UBL3: variants seen among roughly 807,000 people sequenced by gnomAD.
The protein encoded by UBL3 is ubiquitin-like protein 3.
In UBL3, 6 loss-of-function variants were observed where a neutral mutation model predicts 18.4. The ratio of observed to expected loss-of-function variants is 0.33; its 90% CI spans 0.18 to 0.64. The LOEUF (loss-of-function observed/expected upper bound fraction) is 0.64. Ranked by LOEUF, UBL3 falls within the 30% of genes least tolerant of loss-of-function variation. UBL3 has a pLI of 0.76. For synonymous variants in UBL3, 49 were observed against 46.6 expected (o/e 1.05, Z -0.21); for missense variants, 109 against 142.9 (o/e 0.76, Z 1.21).
chr13:29,818,342 A>G (rs1331013540), intron 1 of UBL3, among the ~76,000 whole-genome samples: 5 of 152,220 alleles, frequency 3.3e-5, no homozygotes, highest in Admixed American at 6.5e-5. Flanking sequence ...TTCAAAACAC[A>G]GGAATTCAGA....
chr13:29,799,698 T>C (rs936332937), intron 1 of UBL3, among the ~76,000 whole-genome samples: 2 of 152,174 alleles, frequency 1.3e-5, no homozygotes, highest in African/African-American at 4.8e-5. Context: ...TTTGGAAGTA[T>C]TTTGAAACCT....
intron 1 of UBL3, among the ~76,000 whole-genome samples, chr13:29,790,911 TGA>T: frequency 6.6e-6 from 1 of 152,154 alleles, no homozygotes; most frequent in Non-Finnish European, 1.5e-5. Context: ...GCTCCATCCT[TGA>T]GAGATCTCAT....
At chr13:29,805,724 A>G (rs1410039744) in intron 1 of UBL3, among the ~76,000 whole-genome samples, 1 of 152,198 alleles carries the variant, frequency 6.6e-6, no homozygotes, top group Non-Finnish European at 1.5e-5. Context: ...CCTATTCATT[A>G]TATACATTTT....
chr13:29,766,263 A>T lies in UBL3; in HGVS notation c.*992T>A, dbSNP rs1244603899. 3.3e-5 allele frequency: 5 copies of T among 152,540 alleles called. No homozygotes were observed. The highest frequency in any genetic ancestry group is 7.2e-5 in the African/African-American group (3 of 41,430). The allele number at this position is 152,540 out of a possible 1,614,324, so 9.4% of individuals were successfully genotyped here. On this transcript the variant is annotated 3_prime_UTR_variant, in exon 5 of 5. Transcript: ENST00000380680. ...ATACAATTGCAAGCACTAATATCAA[A>T]CGCAAACTATATAAAGAAACAAAAT...
At chr13:29,793,119 AAAG>A (rs1877523892) in intron 1 of UBL3, among the ~76,000 whole-genome samples, 1 of 152,224 alleles carries the variant, frequency 6.6e-6, no homozygotes, top group Non-Finnish European at 1.5e-5. Context: ...GAGGGGAAAT[AAAG>A]AAGAGAACTA....
At chr13:29,808,796 A>C (rs766898617) in intron 1 of UBL3, among the ~76,000 whole-genome samples, 17 of 152,078 alleles carry the variant, frequency 1.1e-4, no homozygotes, top group Non-Finnish European at 2.1e-4. Flanking sequence ...CTTTCTGTAA[A>C]AATATAAAGT....
At chr13:29,800,208 A>C (rs1877724010) in intron 1 of UBL3, among the ~76,000 whole-genome samples, 1 of 152,254 alleles carries the variant, frequency 6.6e-6, no homozygotes, top group Non-Finnish European at 1.5e-5. Context: ...TTAATTTTTA[A>C]GATATATTTT....
chr13:29,812,817 A>C (rs998263262), intron 1 of UBL3, among the ~76,000 whole-genome samples: 4 of 152,026 alleles, frequency 2.6e-5, no homozygotes, highest in Admixed American at 6.6e-5. Flanking sequence ...ACTTAGTATG[A>C]AAAAAGGTAA....
intron 1 of UBL3, among the ~76,000 whole-genome samples, chr13:29,842,281 C>A (rs759169328): frequency 6.6e-6 from 1 of 151,966 alleles, no homozygotes; most frequent in African/African-American, 2.4e-5. Flanking sequence ...CCTCAGCCTC[C>A]GGAGTAGCTG....
At chr13:29,797,169 A>C (rs1877634990) in intron 1 of UBL3, among the ~76,000 whole-genome samples, 1 of 152,188 alleles carries the variant, frequency 6.6e-6, no homozygotes, top group Non-Finnish European at 1.5e-5. Context: ...TTTTAGTATC[A>C]GTTTTCTGTT....
At chr13:29,819,970 T>C (rs1878383502) in intron 1 of UBL3, among the ~76,000 whole-genome samples, 1 of 152,178 alleles carries the variant, frequency 6.6e-6, no homozygotes, top group Admixed American at 6.5e-5. Context: ...CGTAAAAGGT[T>C]CTACAAATAA....
rs1876608110 is a variant in UBL3, at chr13:29,764,431, ATTTC to A, written c.*2820_*2823del. On this transcript the variant is annotated 3_prime_UTR_variant, in exon 5 of 5. Transcript: ENST00000380680. ...TCTACAACAGATGAAGAAAGTTTTAATTTCTTTTCACATTAAACATTGTTTACCA... is the reference window on the plus strand; with the variant it reads ...TCTACAACAGATGAAGAAAGTTTTAATTTTCACATTAAACATTGTTTACCA... 1 of 152,240 alleles carries A rather than the reference ATTTC, an allele frequency of 6.6e-6. No homozygotes were observed. The highest frequency in any genetic ancestry group is 2.4e-5 in the African/African-American group (1 of 41,468). 9.4% of individuals were successfully genotyped at this position (152,240 alleles called of 1,614,324 possible).
intron 1 of UBL3, among the ~76,000 whole-genome samples, chr13:29,837,240 A>T (rs1321500195): frequency 6.6e-6 from 1 of 152,222 alleles, no homozygotes; most frequent in Non-Finnish European, 1.5e-5. Flanking sequence ...AAAACAACAG[A>T]AACAGGCTCA....
rs138286421 is a variant in UBL3 at position 29,790,980 on chromosome 13, T to C, written c.28-13717A>G. Among the ~76,000 whole-genome samples, 993 of 152,298 alleles carry C rather than the reference T, an allele frequency of 6.5e-3. 13 individuals are homozygous for C. The highest frequency in any genetic ancestry group is 5.9e-3 in the Non-Finnish European group (401 of 68,018). ...GGAATATTCCCAAACTAATTATCCA[T>C]GAAGCGCCATTTTCATTTCTCCGTC... On this transcript the variant is annotated intron_variant, in intron 1 of 4. Coordinates refer to ENST00000380680, the MANE Select transcript of UBL3 (RefSeq NM_007106.4).
At chr13:29,843,040 C>A (rs961524234) in intron 1 of UBL3, among the ~76,000 whole-genome samples, 1 of 152,164 alleles carries the variant, frequency 6.6e-6, no homozygotes, top group African/African-American at 2.4e-5. Flanking sequence ...TAAGTAGGCA[C>A]ACTGATCACA....
At chr13:29,827,012 T>C (rs1428665697) in intron 1 of UBL3, among the ~76,000 whole-genome samples, 2 of 152,244 alleles carry the variant, frequency 1.3e-5, no homozygotes, top group African/African-American at 4.8e-5. Flanking sequence ...AGTTTCTTAA[T>C]CCTGAGTTCT....
chr13:29,804,657 A>G (rs1877856063), intron 1 of UBL3, among the ~76,000 whole-genome samples: 1 of 152,186 alleles, frequency 6.6e-6, no homozygotes, highest in Non-Finnish European at 1.5e-5. Flanking sequence ...ATCCTGGGAG[A>G]CTACTATTAA....
At chr13:29,834,935 G>A (rs573639688) in intron 1 of UBL3, among the ~76,000 whole-genome samples, 201 of 151,142 alleles carry the variant, frequency 1.3e-3, no homozygotes, top group Non-Finnish European at 2.1e-3. Flanking sequence ...AGAGTTTTCC[G>A]ATGGATTAAA....
At chr13:29,798,116 CTT>C (rs993710730) in intron 1 of UBL3, among the ~76,000 whole-genome samples, 1 of 151,966 alleles carries the variant, frequency 6.6e-6, no homozygotes, top group Admixed American at 6.6e-5. Context: ...ACCTCTGCCT[CTT>C]GAGTTCAAGC....
Sources: gnomAD v4.1 joint callset for allele counts (sites outside exome capture counted in the v4.1 genomes callset) on GRCh38, gnomAD v4.1.1 for gene constraint, MANE v1.5 for transcripts, NCBI Gene and HGNC (gene_info 2026-07-23, HGNC 2026-07-21) for gene names.